BRD4: variants seen among roughly 807,000 people sequenced by gnomAD.
BRD4 encodes bromodomain-containing protein 4.
BRD4 carries 16 observed loss-of-function variants against 142.1 expected under a neutral mutation model. That is an observed-to-expected ratio of 0.11 (90% confidence interval 0.08 to 0.17). The LOEUF is 0.17. Among genes scored for constraint, BRD4 ranks in the 10% least tolerant of loss-of-function variants. The pLI is 1.00. For synonymous variants in BRD4, 833 were observed against 707.5 expected, an observed-to-expected ratio of 1.18 and a Z score of -2.82; for missense variants, 1,424 against 1,810.9, an observed-to-expected ratio of 0.79 and a Z score of 3.88.
In BRD4 at chr19:15,307,434, A is replaced by G. The variant is rs1219144157; in HGVS notation, c.-35+24856T>C. Among the ~76,000 whole-genome samples the G allele has an allele frequency of 2.6e-5, 4 of 152,284 alleles. No homozygotes were observed. The South Asian group carries it at 6.2e-4, about 24-fold the overall frequency. On this transcript the variant is annotated intron_variant, in intron 1 of 19. Transcript: ENST00000679869. ...CAATGTCTCCAAATTCCAGTGGGTG[A>G]ATGTCCATTTTGAGCTTCAGTACCA... is the stretch of plus-strand genomic sequence containing the variant.
In BRD4 at chr19:15,264,777, C is replaced by T. The variant is rs2047513867; in HGVS notation, c.850-11G>A. The T allele has an allele frequency of 1.9e-6, 3 of 1,588,010 alleles. No homozygotes were observed. The highest frequency in any genetic ancestry group is 3.4e-5 in the Admixed American group (2 of 58,846). ...CACTCCCTTCTTTGTCTGCCAAGAACACGGACGCCAACAGGCACAGTCAGA... is the reference window on the plus strand; with the variant it reads ...CACTCCCTTCTTTGTCTGCCAAGAATACGGACGCCAACAGGCACAGTCAGA... On this transcript the variant is annotated splice_polypyrimidine_tract_variant and intron_variant, in intron 5 of 19. Coordinates refer to ENST00000679869, the MANE Select transcript of BRD4 (RefSeq NM_001379291.1).
At chr19:15,291,909 A>C (rs2047784681) in intron 1 of BRD4, among the ~76,000 whole-genome samples, 1 of 152,192 alleles carries the variant, frequency 6.6e-6, no homozygotes, top group Non-Finnish European at 1.5e-5. Flanking sequence ...AGTCAAACGA[A>C]GGTTCAGTCA....
chr19:15,296,865 C>T (rs912912723), intron 1 of BRD4, among the ~76,000 whole-genome samples: 1 of 152,230 alleles, frequency 6.6e-6, no homozygotes, highest in African/African-American at 2.4e-5. Flanking sequence ...CTCCCTGGTT[C>T]TCTAGGCATA....
chr19:15,269,208 C>G (rs2047562875), intron 2 of BRD4, among the ~76,000 whole-genome samples, 166 bp from the exon 3 acceptor site: 1 of 152,168 alleles, frequency 6.6e-6, no homozygotes, highest in Admixed American at 6.5e-5. Context: ...GGGGGAACAC[C>G]AAAATAAAGT....
chr19:15,289,395 T>C (rs1364439424), intron 1 of BRD4, among the ~76,000 whole-genome samples: 3 of 151,934 alleles, frequency 2.0e-5, no homozygotes, highest in African/African-American at 7.3e-5. Flanking sequence ...CTACTAAAAA[T>C]ATAAAATTGG....
intron 1 of BRD4, among the ~76,000 whole-genome samples, chr19:15,302,257 G>A (rs1424405006): frequency 1.3e-5 from 2 of 152,278 alleles, no homozygotes; most frequent in South Asian, 2.1e-4. Flanking sequence ...TTTAGACCTG[G>A]TACAGAGACC....
At chr19:15,279,798 TA>T (rs1226300097) in intron 1 of BRD4, among the ~76,000 whole-genome samples, 1 of 152,172 alleles carries the variant, frequency 6.6e-6, no homozygotes, top group Non-Finnish European at 1.5e-5. Context: ...CTATACTTTG[TA>T]TTTGCAGTTC....
In BRD4 at chr19:15,243,213, G is replaced by A. The variant is rs570787628; in HGVS notation, c.2856C>T (p.Ser952=). The stretch of plus-strand genomic sequence containing the variant: ...GGGGCGGCAGGGGGGGTGGGGGCTG[G>A]GACTGCACCTTCACGGAAGGGAGTA... ...TPLLPSVKVQ[S]QPPPPLPPPP... is the part of the protein sequence containing the mutation. Residue 952 remains serine (S), a synonymous_variant, in exon 14 of 20, where the codon TCC becomes TCT. Coordinates refer to ENST00000679869, the MANE Select transcript of BRD4 (RefSeq NM_001379291.1). The A allele has an allele frequency of 4.2e-4, 560 of 1,335,432 alleles. 8 individuals carry two copies. In the South Asian group the frequency reaches 8.1e-3, roughly 19 times the overall value. 82.7% of individuals were successfully genotyped at this position (1,335,432 alleles called of 1,614,324 possible). A position where few individuals can be genotyped will look rare whatever the true frequency, so the allele number is the denominator to read the frequency against.
Position 15,244,427 on chromosome 19 carries a change from G to A in BRD4, c.2385C>T (p.Ser795=), listed in dbSNP as rs1186878460. Residue 795 remains serine (S), a synonymous_variant, in exon 13 of 20, where the codon TCC becomes TCT. Transcript: ENST00000679869. The part of the protein sequence containing the change: ...MPQQAAPAMK[S]SPPPFIATQV... ...GGGTGGCAATGAAGGGTGGGGGCGA[G>A]GACTTCATCGCCGGGGCTGCCTGCT... 1.9e-6 allele frequency: 3 copies of A among 1,585,206 alleles called. No homozygotes were observed. Among genetic ancestry groups the A allele is most frequent in the South Asian group, 2.3e-5 (2 of 87,958 alleles).
intron 1 of BRD4, among the ~76,000 whole-genome samples, chr19:15,316,206 A>C (rs2048017065): frequency 6.6e-6 from 1 of 150,528 alleles, no homozygotes; most frequent in East Asian, 1.9e-4. Context: ...CATAATCCTG[A>C]AAGAGTATCC....
At chr19:15,273,954 C>G (rs1291369541) in intron 1 of BRD4, among the ~76,000 whole-genome samples, 1 of 151,802 alleles carries the variant, frequency 6.6e-6, no homozygotes, top group African/African-American at 2.4e-5. Context: ...CAGTGAATTA[C>G]TTTGTGTAAT....
At chr19:15,261,612 G>A (rs371403023) in intron 7 of BRD4, among the ~76,000 whole-genome samples, 2 of 152,340 alleles carry the variant, frequency 1.3e-5, no homozygotes, top group East Asian at 3.9e-4. Flanking sequence ...CCAAAGTGAA[G>A]AGAGGGCAAC....
intron 1 of BRD4, among the ~76,000 whole-genome samples, chr19:15,297,152 A>C (rs551513034): frequency 3.3e-5 from 5 of 152,304 alleles, no homozygotes; most frequent in South Asian, 2.1e-4. Context: ...TTGACACACA[A>C]AGTCACAGGA....
intron 1 of BRD4, among the ~76,000 whole-genome samples, chr19:15,294,160 G>C (rs2047805250): frequency 6.6e-6 from 1 of 152,246 alleles, no homozygotes; most frequent in South Asian, 2.1e-4. Flanking sequence ...TTTCGCAAAT[G>C]TAATGATTTT....
rs202062454 is a variant in BRD4 at position 15,238,697 on chromosome 19, G to A, written c.4020+46C>T. ...CAGTCCCCCTTTCCCAGCTCCCTCA[G>A]GAGCTAATCCTTAGACCAGGGTCCC... is the stretch of plus-strand genomic sequence containing the variant. On this transcript the variant is annotated intron_variant, in intron 19 of 19. Transcript: ENST00000679869. The surrounding 1 kb of genome is among the most constrained non-coding windows in gnomAD (Gnocchi z 7.2). 1.4e-6 allele frequency: 2 copies of A among 1,466,078 alleles called. No homozygotes were observed. Among genetic ancestry groups the A allele is most frequent in the Non-Finnish European group, 1.8e-6 (2 of 1,108,056 alleles). The allele number at this position is 1,466,078 out of a possible 1,614,324, so 90.8% of individuals were successfully genotyped here. A position where few individuals can be genotyped will look rare whatever the true frequency, so the allele number is the denominator to read the frequency against.
At position 15,239,937 on chromosome 19, in the gene BRD4, G is replaced by A. The variant is rs1323534804; in HGVS notation, c.3255C>T (p.Pro1085=). 6.2e-7 allele frequency: 1 copy of A among 1,614,134 alleles called. No homozygotes were observed. Among genetic ancestry groups the A allele is most frequent in the Admixed American group, 1.7e-5 (1 of 60,008 alleles). The change falls in exon 15 of 20, where the codon CCC becomes CCT. Residue 1085 remains proline, a synonymous_variant. Coordinates refer to ENST00000679869, the MANE Select transcript of BRD4 (RefSeq NM_001379291.1). The surrounding 1 kb of genome is among the most constrained non-coding windows in gnomAD (Gnocchi z 7.4). ...GTTTCTTAGGCTGGACGTTTTGCTGGGGTGGAGACTGGTGGGTCAGGCTCT... is the reference window on the plus strand; with the variant it reads ...GTTTCTTAGGCTGGACGTTTTGCTGAGGTGGAGACTGGTGGGTCAGGCTCT... ...QFQSLTHQSP[P]QQNVQPKKQE...
At chr19:15,265,665 C>A in intron 4 of BRD4, 22 bp from the exon 5 acceptor site, 1 of 1,613,632 alleles carries the variant, frequency 6.2e-7, no homozygotes, top group South Asian at 1.1e-5. Flanking sequence ...AATAAGACGG[C>A]GAGTTAGAGA....
intron 1 of BRD4, among the ~76,000 whole-genome samples, chr19:15,328,432 A>T (rs180935982): frequency 6.6e-6 from 1 of 152,288 alleles, no homozygotes; most frequent in Admixed American, 6.5e-5. Flanking sequence ...ACCGCACTTC[A>T]AACTGCTAAG....
intron 2 of BRD4, among the ~76,000 whole-genome samples, chr19:15,269,417 A>ACAAC (rs1568390698): frequency 6.6e-6 from 1 of 152,228 alleles, no homozygotes; most frequent in African/African-American, 2.4e-5. Context: ...ACCTAGTAAG[A>ACAAC]CAACCCATGG....
Sources: gnomAD v4.1 joint callset for allele counts (sites outside exome capture counted in the v4.1 genomes callset) on GRCh38, gnomAD v4.1.1 for gene constraint, Gnocchi (gnomAD v3.1) non-coding constraint, MANE v1.5 for transcripts, NCBI Gene and HGNC (gene_info 2026-07-23, HGNC 2026-07-21) for gene names.